Variants in CELF1 observed in about 807,000 individuals in gnomAD.
CELF1 encodes 50 kDa nuclear polyadenylated RNA-binding protein.
A neutral mutation model predicts 61.8 loss-of-function variants in CELF1; 10 were observed. The ratio of observed to expected loss-of-function variants is 0.16; its 90% CI spans 0.10 to 0.27. The LOEUF (loss-of-function observed/expected upper bound fraction) is 0.27, where lower values mean the gene tolerates loss of function less well. Ranked by LOEUF, CELF1 falls within the 10% of genes least tolerant of loss-of-function variation. The pLI is 1.00. For synonymous variants in CELF1, 236 were observed against 225.1 expected (o/e 1.05, Z -0.43); for missense variants, 380 against 639.1 (o/e 0.59, Z 4.37).
intron 12 of CELF1, among the ~76,000 whole-genome samples, chr11:47,476,628 G>A (rs1427944361): frequency 6.6e-6 from 1 of 152,042 alleles, no homozygotes; most frequent in Non-Finnish European, 1.5e-5. Flanking sequence ...GGGTTTCACC[G>A]TGTTAGCCAG....
chr11:47,553,797 G>GAA (rs1210075332), upstream of CELF1, among the ~76,000 whole-genome samples: 1 of 140,442 alleles, frequency 7.1e-6, no homozygotes, highest in African/African-American at 2.5e-5. Flanking sequence ...TGCTTTTACC[G>GAA]AAAAAAAAAT....
intron 1 of CELF1, among the ~76,000 whole-genome samples, chr11:47,515,639 C>T (rs540386606): frequency 3.3e-5 from 5 of 152,322 alleles, no homozygotes; most frequent in Admixed American, 3.3e-4. Flanking sequence ...ACCTTATAAT[C>T]TTGATGTCTC....
upstream of CELF1, among the ~76,000 whole-genome samples, chr11:47,554,476 G>A (rs906998216): frequency 6.6e-5 from 10 of 152,006 alleles, no homozygotes; most frequent in Admixed American, 2.0e-4. Flanking sequence ...AGAATCATGT[G>A]GATATCCACA....
chr11:47,482,660 GCA>G (rs775514602), intron 9 of CELF1, 33 bp downstream of exon 9: 2 of 1,595,602 alleles, frequency 1.3e-6, no homozygotes, highest in South Asian at 1.1e-5. Flanking sequence ...CTGGGAGCTT[GCA>G]CAGTCTGCAG....
At chr11:47,490,221 C>T (rs1392141348) in intron 3 of CELF1, among the ~76,000 whole-genome samples, 1 of 151,690 alleles carries the variant, frequency 6.6e-6, no homozygotes. Context: ...CAGGTGTGAG[C>T]CACCACGCCT....
intron 7 of CELF1, 56 bp from the exon 8 acceptor site, chr11:47,483,588 AACTGAGC>A: frequency 1.5e-6 from 2 of 1,304,924 alleles, no homozygotes; most frequent in East Asian, 4.6e-5. Context: ...GACAAACATT[AACTGAGC>A]ACCTACTATG....
At chr11:47,504,667 C>T (rs988404646) in intron 1 of CELF1, among the ~76,000 whole-genome samples, 2 of 151,294 alleles carry the variant, frequency 1.3e-5, no homozygotes, top group African/African-American at 2.4e-5. Flanking sequence ...TTTGGAAGGC[C>T]GAGGTGAGCA....
rs2076625273 is a variant in CELF1, at chr11:47,466,021, G to C, written c.*6209C>G. On this transcript the variant is annotated 3_prime_UTR_variant, in exon 15 of 15. Coordinates refer to ENST00000687097, the MANE Select transcript of CELF1 (RefSeq NM_001376376.1). ...AAAATGACTTTTTGTCCATGTGTCTGTGCAATTAAAACAGATTTAGGTTCC... is the reference window on the plus strand; with the variant it reads ...AAAATGACTTTTTGTCCATGTGTCTCTGCAATTAAAACAGATTTAGGTTCC... 1 of 152,172 alleles carries C rather than the reference G, an allele frequency of 6.6e-6. No homozygotes were observed. The highest frequency in any genetic ancestry group is 2.4e-5 in the African/African-American group (1 of 41,450). The allele number at this position is 152,172 out of a possible 1,614,324, so 9.4% of individuals were successfully genotyped here. A position where few individuals can be genotyped will look rare whatever the true frequency, so the allele number is the denominator to read the frequency against.
chr11:47,486,724 G>A lies in CELF1; in HGVS notation c.391+26C>T, dbSNP rs2087512376. On this transcript the variant is annotated intron_variant, in intron 6 of 14. Coordinates refer to ENST00000687097, the MANE Select transcript of CELF1 (RefSeq NM_001376376.1). ...TGCCTGGCCTAGGCAGAAATCTTAA[G>A]GGGAAGATTGTATACATTTGCTTAC... is the stretch of plus-strand genomic sequence containing the variant. 5 of 1,598,116 alleles carry A rather than the reference G, an allele frequency of 3.1e-6. No individual in the cohort carries two copies. In the East Asian group the frequency reaches 6.7e-5, roughly 21 times the overall value.
chr11:47,534,114 C>T (rs1043467150), intron 1 of CELF1, among the ~76,000 whole-genome samples: 3 of 146,718 alleles, frequency 2.0e-5, no homozygotes, highest in South Asian at 2.2e-4. Flanking sequence ...CTGCAACCTC[C>T]GCCTCCTTAG....
At chr11:47,500,252 T>C (rs892203031) in intron 2 of CELF1, among the ~76,000 whole-genome samples, 16 of 152,166 alleles carry the variant, frequency 1.1e-4, no homozygotes, top group Non-Finnish European at 2.2e-4. Flanking sequence ...CTGACCTTGC[T>C]TTCTTGATGT....
At chr11:47,545,760 A>C (rs2096917473) in intron 1 of CELF1, among the ~76,000 whole-genome samples, 1 of 151,678 alleles carries the variant, frequency 6.6e-6, no homozygotes, top group East Asian at 1.9e-4. Flanking sequence ...CAAGCTCCTG[A>C]GCTCAAGCAA....
intron 1 of CELF1, among the ~76,000 whole-genome samples, chr11:47,532,994 T>G (rs924413976): frequency 6.6e-6 from 1 of 152,174 alleles, no homozygotes; most frequent in Admixed American, 6.6e-5. Flanking sequence ...CAGTGACAGT[T>G]ACACAGTGAC....
intron 1 of CELF1, among the ~76,000 whole-genome samples, chr11:47,515,059 G>C (rs1005515419): frequency 6.6e-6 from 1 of 152,136 alleles, no homozygotes; most frequent in Non-Finnish European, 1.5e-5. Flanking sequence ...GTCAACAATG[G>C]ACAACAAATT....
At chr11:47,506,147 C>T (rs1478417308) in intron 1 of CELF1, among the ~76,000 whole-genome samples, 1 of 150,748 alleles carries the variant, frequency 6.6e-6, no homozygotes, top group Non-Finnish European at 1.5e-5. Flanking sequence ...AATTTGCAGG[C>T]TGGGCGCGGT....
At chr11:47,556,078 T>G (rs2097205112), upstream of CELF1, among the ~76,000 whole-genome samples, 1 of 151,848 alleles carries the variant, frequency 6.6e-6, no homozygotes, top group African/African-American at 2.4e-5. Context: ...GGGAGTAAAG[T>G]TCAGATAATC....
Position 47,475,488 on chromosome 11 carries a change from C to G in CELF1, c.1121G>C (p.Ser374Thr). The change falls in exon 13 of 15, where the codon AGT (serine) becomes ACT (threonine). Residue 374 changes from serine to threonine, a missense_variant. By Grantham distance (58) the Ser-to-Thr change is moderately conservative. Coordinates refer to ENST00000687097, the MANE Select transcript of CELF1 (RefSeq NM_001376376.1). ...GCTCCCGGTGCCATTGGAAAGGCCA[C>G]TGCTGCCCAGGCCACCATTTAAAGC... is the stretch of plus-strand genomic sequence containing the variant. ...MAALNGGLGS[S>T]GLSNGTGSTM... The G allele has an allele frequency of 6.2e-7, 1 of 1,613,990 alleles. No homozygotes were observed. Among genetic ancestry groups the G allele is most frequent in the Non-Finnish European group, 8.5e-7 (1 of 1,180,036 alleles).
chr11:47,558,991 A>G (rs1021790117), intron 2 of CELF1, among the ~76,000 whole-genome samples: 2 of 141,450 alleles, frequency 1.4e-5, no homozygotes, highest in African/African-American at 2.6e-5. Context: ...TATATATAGT[A>G]ATATATGTTA....
chr11:47,536,599 TA>T (rs541975327), intron 1 of CELF1, among the ~76,000 whole-genome samples: 5 of 151,622 alleles, frequency 3.3e-5, no homozygotes, highest in Non-Finnish European at 7.4e-5. Flanking sequence ...CCGTCACTAC[TA>T]AAAAAAATAC....
Sources: gnomAD v4.1 joint callset for allele counts (sites outside exome capture counted in the v4.1 genomes callset) on GRCh38, gnomAD v4.1.1 for gene constraint, MANE v1.5 for transcripts, NCBI Gene and HGNC (gene_info 2026-07-23, HGNC 2026-07-21) for gene names.